Variants in NRF1 observed in about 807,000 individuals in gnomAD.
The protein encoded by NRF1 is alpha palindromic-binding protein.
NRF1 carries 5 observed loss-of-function variants against 58.5 expected under a neutral mutation model. The ratio of observed to expected loss-of-function variants is 0.09; its 90% CI spans 0.04 to 0.18. The LOEUF is 0.18. NRF1 is among the 10% of genes least tolerant of loss of function. NRF1 has a pLI of 1.00. For missense variants in NRF1, 288 were observed against 657.7 expected, an observed-to-expected ratio of 0.44 and a Z score of 6.15; for synonymous variants, 224 against 246.7, an observed-to-expected ratio of 0.91 and a Z score of 0.86.
intron 2 of NRF1, among the ~76,000 whole-genome samples, chr7:129,669,662 A>G (rs1197344551): frequency 6.6e-6 from 1 of 152,234 alleles, no homozygotes; most frequent in Non-Finnish European, 1.5e-5. Context: ...AACAGGTTAG[A>G]TGCTCAACTA....
chr7:129,660,952 CT>C (rs1562962761), intron 2 of NRF1, among the ~76,000 whole-genome samples: 1 of 151,304 alleles, frequency 6.6e-6, no homozygotes, highest in East Asian at 1.9e-4. Context: ...CAGCAAACTT[CT>C]GCCTGGATAT....
intron 3 of NRF1, among the ~76,000 whole-genome samples, chr7:129,674,585 C>T (rs1441264593): frequency 6.6e-6 from 1 of 152,126 alleles, no homozygotes. Flanking sequence ...AGGTGCATGT[C>T]ACCATACCTG....
chr7:129,670,653 T>C (rs1802027894), intron 2 of NRF1, among the ~76,000 whole-genome samples: 2 of 152,224 alleles, frequency 1.3e-5, no homozygotes, highest in Non-Finnish European at 2.9e-5. Flanking sequence ...AAAAAGATTG[T>C]CTTTGATATG....
rs761276231 is a variant in NRF1 at position 129,717,296 on chromosome 7, G to A, written c.1143G>A (p.Ala381=). Reference sequence around the variant, plus strand: ...CGCAAGCATCAGAGGCCACCCAGGCGGTGGCATCGTTGGCAGAGGCCGCAG... The same window carrying A: ...CGCAAGCATCAGAGGCCACCCAGGCAGTGGCATCGTTGGCAGAGGCCGCAG... ...QTTQASEATQ[A]VASLAEAAVA... Residue 381 remains alanine, a synonymous_variant, in exon 9 of 11, where the codon GCG becomes GCA. Transcript: ENST00000393232. 23 of 1,613,892 alleles carry A rather than the reference G, an allele frequency of 1.4e-5. No individual in the cohort carries two copies. The Admixed American group carries it at 1.5e-4, about 11-fold the overall frequency.
At chr7:129,690,577 A>C in intron 5 of NRF1, 31 bp downstream of exon 5, 1 of 1,613,224 alleles carries the variant, frequency 6.2e-7, no homozygotes, top group Non-Finnish European at 8.5e-7. Flanking sequence ...AGGAGACTCA[A>C]AGACAAGTGG....
chr7:129,754,843 A>T (rs1804213978), intron 10 of NRF1, among the ~76,000 whole-genome samples, 175 bp from the exon 11 acceptor site: 1 of 152,194 alleles, frequency 6.6e-6, no homozygotes, highest in South Asian at 2.1e-4. Context: ...AAAATTAATG[A>T]AAAAAATTTT....
intron 5 of NRF1, among the ~76,000 whole-genome samples, chr7:129,706,450 CGTTTCA>C (rs1433524317): frequency 6.6e-6 from 1 of 151,872 alleles, no homozygotes; most frequent in Non-Finnish European, 1.5e-5. Context: ...ACACCAGAGA[CGTTTCA>C]AAGAAAACAA....
chr7:129,693,738 CAT>C (rs112718632), intron 5 of NRF1, among the ~76,000 whole-genome samples: 2,343 of 152,214 alleles, frequency 0.015, 57 homozygotes, highest in African/African-American at 0.054. Flanking sequence ...GTAAAGAAAA[CAT>C]AAAGTGAATT....
rs1488816231 is a variant in NRF1, at chr7:129,741,196, G to A, written c.1349-13822G>A. Reference sequence around the variant, plus strand: ...CATCCTATGAACAGAACACCAATCTGAGCCAGGGACATTCCGAGCAGACAA... The same window carrying A: ...CATCCTATGAACAGAACACCAATCTAAGCCAGGGACATTCCGAGCAGACAA... On this transcript the variant is annotated intron_variant, in intron 10 of 10. Coordinates refer to ENST00000393232, the MANE Select transcript of NRF1 (RefSeq NM_005011.5). The surrounding 1 kb of genome is among the most constrained non-coding windows in gnomAD (Gnocchi z 4.0). Among the ~76,000 whole-genome samples the A allele has an allele frequency of 6.6e-6, 1 of 152,162 alleles. No individual in the cohort carries two copies. The highest frequency in any genetic ancestry group is 1.5e-5 in the Non-Finnish European group (1 of 68,032).
At chr7:129,654,482 A>AT (rs994601091) in intron 1 of NRF1, among the ~76,000 whole-genome samples, 24 of 151,966 alleles carry the variant, frequency 1.6e-4, no homozygotes, top group African/African-American at 5.1e-4. Flanking sequence ...CAGCTTATCG[A>AT]TTTTTTGCTT....
chr7:129,650,685 T>A (rs1801513484), intron 1 of NRF1, among the ~76,000 whole-genome samples: 1 of 152,144 alleles, frequency 6.6e-6, no homozygotes, highest in Non-Finnish European at 1.5e-5. Context: ...CTGGGTTATC[T>A]CATTTAATCC....
chr7:129,619,433 T>TAC lies in NRF1; in HGVS notation c.-7+7623_-7+7624dup, dbSNP rs754223551. 2.5e-3 allele frequency among the ~76,000 whole-genome samples: 165 copies of TAC among 65,824 alleles called. 2 individuals are homozygous for TAC. Among genetic ancestry groups the TAC allele is most frequent in the African/African-American group, 4.1e-3 (50 of 12,156 alleles). The allele number at this position is 65,824 out of a possible 152,430, so 43.2% of individuals were successfully genotyped here. ...ATATATATATATATATATATATATA[T>TAC]ACACACACACACACATATATATACA... is the stretch of plus-strand genomic sequence containing the variant. On this transcript the variant is annotated intron_variant, in intron 1 of 10. Transcript: ENST00000393232.
chr7:129,672,833 A>G (rs1055217181), intron 3 of NRF1, among the ~76,000 whole-genome samples: 1 of 152,182 alleles, frequency 6.6e-6, no homozygotes, highest in East Asian at 1.9e-4. Context: ...AAGCAGTTGG[A>G]TATATGAGTC....
At chr7:129,697,325 T>G (rs994829567) in intron 5 of NRF1, among the ~76,000 whole-genome samples, 3 of 151,560 alleles carry the variant, frequency 2.0e-5, no homozygotes, top group African/African-American at 7.3e-5. Context: ...GGGCAGATCA[T>G]GAGGTCAGGA....
intron 2 of NRF1, among the ~76,000 whole-genome samples, chr7:129,668,073 G>T (rs1298749889): frequency 1.3e-5 from 2 of 152,012 alleles, no homozygotes; most frequent in Non-Finnish European, 2.9e-5. Flanking sequence ...TTTTATTGAG[G>T]TTATTGTTTT....
At position 129,727,385 on chromosome 7, in the gene NRF1, T is replaced by C. The variant is rs1199703836; in HGVS notation, c.1348+20T>C. ...CTAATGGTAAGAGAGCATAAATATT[T>C]TATTAAATTTCTTCCCTGTTTCCAC... On this transcript the variant is annotated intron_variant, in intron 10 of 10. Transcript: ENST00000393232. The C allele has an allele frequency of 6.4e-7, 1 of 1,567,148 alleles. No homozygotes were observed.
intron 10 of NRF1, among the ~76,000 whole-genome samples, chr7:129,748,397 C>T (rs530490835): frequency 3.0e-4 from 45 of 151,584 alleles, no homozygotes; most frequent in Admixed American, 1.8e-3. Flanking sequence ...TGAATGGTGG[C>T]GGCAATAAAG....
At chr7:129,668,442 A>G (rs1801970121) in intron 2 of NRF1, among the ~76,000 whole-genome samples, 1 of 152,190 alleles carries the variant, frequency 6.6e-6, no homozygotes. Context: ...ATTTTTGGCC[A>G]TTTGCACTTC....
intron 5 of NRF1, among the ~76,000 whole-genome samples, chr7:129,693,422 C>T (rs1802614440): frequency 6.6e-6 from 1 of 152,206 alleles, no homozygotes; most frequent in Admixed American, 6.5e-5. Context: ...GAAAGGAAAG[C>T]ATATCTAAAC....
Sources: gnomAD v4.1 joint callset for allele counts (sites outside exome capture counted in the v4.1 genomes callset) on GRCh38, gnomAD v4.1.1 for gene constraint, Gnocchi (gnomAD v3.1) non-coding constraint, MANE v1.5 for transcripts, NCBI Gene and HGNC (gene_info 2026-07-23, HGNC 2026-07-21) for gene names.